Variants in TGFB2 observed in about 807,000 individuals in gnomAD.
TGFB2 encodes transforming growth factor beta 2.
TGFB2 carries 13 observed loss-of-function variants against 42.7 expected under a neutral mutation model. The ratio of observed to expected loss-of-function variants is 0.30; its 90% CI spans 0.20 to 0.48. TGFB2 has a LOEUF of 0.48. Among genes scored for constraint, TGFB2 ranks in the 20% least tolerant of loss-of-function variants. TGFB2 has a pLI of 0.99. For missense variants in TGFB2, 390 were observed against 517.5 expected, an observed-to-expected ratio of 0.75 and a Z score of 2.39; for synonymous variants, 193 against 193.6, an observed-to-expected ratio of 1.00 and a Z score of 0.03.
chr1:218,365,847 C>T (rs1657370292), intron 1 of TGFB2, among the ~76,000 whole-genome samples: 1 of 152,174 alleles, frequency 6.6e-6, no homozygotes, highest in South Asian at 2.1e-4. Flanking sequence ...TGTCACCTTG[C>T]GTGAACCGCC....
intron 1 of TGFB2, among the ~76,000 whole-genome samples, chr1:218,372,409 G>A (rs984325055): frequency 6.6e-6 from 1 of 152,174 alleles, no homozygotes; most frequent in Non-Finnish European, 1.5e-5. Context: ...AGTGGCAGCA[G>A]GGGTTGCTTC....
At chr1:218,373,846 G>A (rs994041222) in intron 1 of TGFB2, among the ~76,000 whole-genome samples, 25 of 152,290 alleles carry the variant, frequency 1.6e-4, no homozygotes, top group African/African-American at 5.5e-4. Flanking sequence ...GTCTGGATGT[G>A]TTTCTTTTTT....
At chr1:218,404,440 T>C (rs1571874544) in intron 1 of TGFB2, among the ~76,000 whole-genome samples, 1 of 152,212 alleles carries the variant, frequency 6.6e-6, no homozygotes, top group East Asian at 1.9e-4. Context: ...TAAAATGTCA[T>C]GTACCATCAG....
chr1:218,395,114 T>A (rs922962874), intron 1 of TGFB2, among the ~76,000 whole-genome samples: 1 of 151,776 alleles, frequency 6.6e-6, no homozygotes, highest in Non-Finnish European at 1.5e-5. Context: ...AATGAGGGGG[T>A]TTGTTCTCTT....
At chr1:218,399,924 G>A (rs1658657685) in intron 1 of TGFB2, among the ~76,000 whole-genome samples, 1 of 152,082 alleles carries the variant, frequency 6.6e-6, no homozygotes, top group Admixed American at 6.6e-5. Context: ...CTTTCCATCT[G>A]CTTACTTATA....
intron 2 of TGFB2, among the ~76,000 whole-genome samples, chr1:218,406,289 G>A (rs981020614): frequency 7.2e-5 from 11 of 151,992 alleles, no homozygotes; most frequent in African/African-American, 2.7e-4. Context: ...TTGGTGGGCA[G>A]CTGCGTCAAA....
intron 1 of TGFB2, among the ~76,000 whole-genome samples, chr1:218,403,569 C>T (rs1001921931): frequency 6.6e-6 from 1 of 152,132 alleles, no homozygotes; most frequent in African/African-American, 2.4e-5. Flanking sequence ...GTGTTGCCAA[C>T]AGTCAGATGC....
intron 1 of TGFB2, among the ~76,000 whole-genome samples, chr1:218,369,355 C>T (rs1657498913): frequency 6.8e-6 from 1 of 147,712 alleles, no homozygotes; most frequent in Non-Finnish European, 1.5e-5. Flanking sequence ...CGTGATGCAT[C>T]AGGATGGCAC....
chr1:218,422,080 C>G (rs1659471361), intron 2 of TGFB2, among the ~76,000 whole-genome samples: 1 of 152,112 alleles, frequency 6.6e-6, no homozygotes, highest in Admixed American at 6.5e-5. Context: ...TTCTAGGTTA[C>G]CCATACACCT....
intron 1 of TGFB2, among the ~76,000 whole-genome samples, chr1:218,399,108 C>G (rs1658625472): frequency 1.3e-5 from 2 of 152,172 alleles, no homozygotes; most frequent in African/African-American, 4.8e-5. Flanking sequence ...AGGCTGGTCT[C>G]AAACTCCTAG....
intron 1 of TGFB2, among the ~76,000 whole-genome samples, chr1:218,360,664 T>TTAAAA (rs998082736): frequency 6.6e-6 from 1 of 152,142 alleles, no homozygotes; most frequent in Non-Finnish European, 1.5e-5. Context: ...ATCCCGGAAC[T>TTAAAA]TAAAATAAAA....
intron 2 of TGFB2, among the ~76,000 whole-genome samples, chr1:218,411,144 C>A (rs770968597): frequency 4.6e-5 from 7 of 152,204 alleles, no homozygotes; most frequent in Admixed American, 2.0e-4. Context: ...TTTCAATAGT[C>A]ATTTCTCATT....
intron 1 of TGFB2, among the ~76,000 whole-genome samples, chr1:218,347,264 CTTCCCCCTAACAATTCGG>C (rs1656718449): frequency 6.6e-6 from 1 of 152,284 alleles, no homozygotes; most frequent in African/African-American, 2.4e-5. Flanking sequence ...CCATCTTTCC[CTTCCCCCTAACAATTCGG>C]TGCTTTAAAA....
chr1:218,359,176 AG>A (rs913218910), intron 1 of TGFB2, among the ~76,000 whole-genome samples: 95 of 152,290 alleles, frequency 6.2e-4, no homozygotes, highest in African/African-American at 2.3e-3. Flanking sequence ...CAGGCTCTGA[AG>A]CAGGAGGTTC....
intron 2 of TGFB2, among the ~76,000 whole-genome samples, chr1:218,428,263 A>C (rs1386949960): frequency 6.6e-6 from 1 of 151,942 alleles, no homozygotes; most frequent in African/African-American, 2.4e-5. Context: ...GATTGCAAAA[A>C]TTTTCTCCCA....
intron 1 of TGFB2, among the ~76,000 whole-genome samples, chr1:218,397,563 C>CAAAA (rs759635592): frequency 4.3e-4 from 39 of 91,376 alleles, no homozygotes; most frequent in African/African-American, 1.3e-3. Flanking sequence ...GACTCCGTCT[C>CAAAA]AAAAAAAAAA....
At chr1:218,350,211 C>T (rs1298134100) in intron 1 of TGFB2, among the ~76,000 whole-genome samples, 1 of 152,166 alleles carries the variant, frequency 6.6e-6, no homozygotes, top group African/African-American at 2.4e-5. Context: ...AGAGACACAA[C>T]GTTTCATTTT....
intron 1 of TGFB2, among the ~76,000 whole-genome samples, chr1:218,369,389 A>G (rs1657499769): frequency 6.6e-6 from 1 of 152,044 alleles, no homozygotes; most frequent in Non-Finnish European, 1.5e-5. Flanking sequence ...TTCTATAGCA[A>G]GAATCTCAAA....
chr1:218,427,636 C>T (rs867550128), intron 2 of TGFB2, among the ~76,000 whole-genome samples: 37 of 152,272 alleles, frequency 2.4e-4, no homozygotes, highest in Middle Eastern at 3.4e-3. Context: ...TTTCTAGCTT[C>T]ATCCATGTCC....
Sources: gnomAD v4.1 joint callset for allele counts (sites outside exome capture counted in the v4.1 genomes callset) on GRCh38, gnomAD v4.1.1 for gene constraint, MANE v1.5 for transcripts, NCBI Gene and HGNC (gene_info 2026-07-23, HGNC 2026-07-21) for gene names.